PRKN: variants seen among roughly 807,000 people sequenced by gnomAD.
PRKN encodes E3 ubiquitin-protein ligase parkin.
PRKN carries 56 observed loss-of-function variants against 59.5 expected under a neutral mutation model. The ratio of observed to expected loss-of-function variants is 0.94; its 90% CI spans 0.76 to 1.18. The LOEUF is 1.18. Among genes scored for constraint, PRKN ranks in the 50% most tolerant of loss-of-function variants. The pLI is 0.00. For synonymous variants in PRKN, 250 were observed against 222.1 expected (o/e 1.13, Z -1.12); for missense variants, 657 against 596.4 (o/e 1.10, Z -1.06).
At position 161,488,464 on chromosome 6, in the gene PRKN, C is replaced by A. The variant is rs898198651; in HGVS notation, c.1083+60390G>T. Among the ~76,000 whole-genome samples, 1 of 152,104 alleles carries A rather than the reference C, an allele frequency of 6.6e-6. No homozygotes were observed. The highest frequency in any genetic ancestry group is 2.1e-4 in the South Asian group (1 of 4,808). On this transcript the variant is annotated intron_variant, in intron 9 of 11. Coordinates refer to ENST00000366898, the MANE Select transcript of PRKN (RefSeq NM_004562.3). The surrounding 1 kb of genome is among the most constrained non-coding windows in gnomAD (Gnocchi z 4.5). ...GAGGAGCAGAGAAGATAACAGAGAC[C>A]GAGAAGGACATCTGAATTTATTATA...
chr6:162,245,367 T>C (rs1278314925), intron 3 of PRKN, among the ~76,000 whole-genome samples: 5 of 152,074 alleles, frequency 3.3e-5, no homozygotes, highest in Non-Finnish European at 7.4e-5. Flanking sequence ...TTAAATTGCA[T>C]ATTTACCTAT....
intron 7 of PRKN, among the ~76,000 whole-genome samples, chr6:161,768,636 A>G (rs570495933): frequency 6.6e-6 from 1 of 152,328 alleles, no homozygotes; most frequent in African/African-American, 2.4e-5. Flanking sequence ...CTGTAGCCCA[A>G]TGAACCATAG....
At chr6:162,441,588 C>T (rs1790054407) in intron 2 of PRKN, among the ~76,000 whole-genome samples, 1 of 152,008 alleles carries the variant, frequency 6.6e-6, no homozygotes, top group African/African-American at 2.4e-5. Context: ...ATTGTTGAAC[C>T]TGTAAAAATG....
intron 1 of PRKN, among the ~76,000 whole-genome samples, chr6:162,632,209 C>T (rs1272839559): frequency 6.6e-6 from 1 of 152,150 alleles, no homozygotes; most frequent in African/African-American, 2.4e-5. Context: ...ATGCACTCAC[C>T]TGTTCATCGC....
Position 161,385,135 on chromosome 6 carries a change from G to T in PRKN, c.1167+1659C>A, listed in dbSNP as rs909861858. The stretch of plus-strand genomic sequence containing the variant: ...AGTAGAGACGGGGTTTCACCATGTT[G>T]GCCAGGCTGATCTCAATCTCTTGAC... On this transcript the variant is annotated intron_variant, in intron 10 of 11. Transcript: ENST00000366898. The surrounding 1 kb of genome is among the most constrained non-coding windows in gnomAD (Gnocchi z 4.9). 1.3e-5 allele frequency among the ~76,000 whole-genome samples: 2 copies of T among 152,092 alleles called. No individual in the cohort carries two copies. Among genetic ancestry groups the T allele is most frequent in the Admixed American group, 6.6e-5 (1 of 15,262 alleles).
At chr6:162,501,379 ACT>A (rs751449694) in intron 1 of PRKN, among the ~76,000 whole-genome samples, 6 of 145,310 alleles carry the variant, frequency 4.1e-5, no homozygotes, top group Non-Finnish European at 7.5e-5. Flanking sequence ...ACACAGTTTA[ACT>A]CTGTCACCCA....
chr6:161,573,757 TA>T (rs1483650213), intron 7 of PRKN, among the ~76,000 whole-genome samples: 5,402 of 44,934 alleles, frequency 0.12, 771 homozygotes, highest in African/African-American at 0.29. Context: ...AAAAAAAAAA[TA>T]TATATATATA....
At chr6:161,777,683 A>ATT (rs1219188620) in intron 7 of PRKN, among the ~76,000 whole-genome samples, 2 of 143,420 alleles carry the variant, frequency 1.4e-5, no homozygotes, top group Admixed American at 7.1e-5. Context: ...ATATATATAT[A>ATT]ATATATATAT....
At position 162,606,315 on chromosome 6, in the gene PRKN, TGCTTAGAGC is replaced by T. The variant is rs1423898258; in HGVS notation, c.7+121338_7+121346del. ...AGCTTAGCACAGCCTACCTTAAACA[TGCTTAGAGC>T]GCTTAGATTATAGCCCACAGTTGGT... On this transcript the variant is annotated intron_variant, in intron 1 of 11. Transcript: ENST00000366898. Among the ~76,000 whole-genome samples the T allele has an allele frequency of 4.6e-5, 7 of 152,198 alleles. No homozygotes were observed. In the East Asian group the frequency reaches 1.3e-3, roughly 29 times the overall value.
intron 7 of PRKN, among the ~76,000 whole-genome samples, chr6:161,709,195 G>C (rs1369816556): frequency 1.3e-5 from 2 of 152,096 alleles, no homozygotes; most frequent in Non-Finnish European, 2.9e-5. Flanking sequence ...AATACTCTTG[G>C]GAAAGGAGAT....
chr6:161,427,808 C>A (rs1325834431), intron 9 of PRKN, among the ~76,000 whole-genome samples: 1 of 152,102 alleles, frequency 6.6e-6, no homozygotes, highest in Non-Finnish European at 1.5e-5. Flanking sequence ...TTTGATGAAT[C>A]CCACGTTTCA....
chr6:161,474,227 G>A (rs951488945), intron 9 of PRKN, among the ~76,000 whole-genome samples: 4 of 152,112 alleles, frequency 2.6e-5, no homozygotes, highest in African/African-American at 4.8e-5. Flanking sequence ...GCTACTCCAC[G>A]GAAGTGCCCA....
chr6:162,569,166 T>C, intron 1 of PRKN: 1 of 594,732 alleles, frequency 1.7e-6, no homozygotes, highest in South Asian at 1.6e-5. Flanking sequence ...CCAGATCAAG[T>C]ATAAGGAGCT....
chr6:162,157,820 C>G (rs1338247432), intron 4 of PRKN, among the ~76,000 whole-genome samples: 1 of 151,968 alleles, frequency 6.6e-6, no homozygotes, highest in Non-Finnish European at 1.5e-5. Context: ...ATTCCTTACT[C>G]TTGTTAGGCA....
At chr6:162,340,005 G>T (rs1784096545) in intron 2 of PRKN, among the ~76,000 whole-genome samples, 1 of 147,124 alleles carries the variant, frequency 6.8e-6, no homozygotes, top group Non-Finnish European at 1.5e-5. Context: ...CACTGCGGAA[G>T]GCCGCAGGGT....
chr6:161,770,855 G>A (rs559115516), intron 7 of PRKN, among the ~76,000 whole-genome samples: 46 of 152,102 alleles, frequency 3.0e-4, no homozygotes, highest in Non-Finnish European at 5.4e-4. Context: ...ACGAGGAGAT[G>A]AGGACAGAGG....
Position 161,348,675 on chromosome 6 carries a change from C to T in PRKN, c.*1424G>A, listed in dbSNP as rs1467797063. 2.4e-5 allele frequency: 5 copies of T among 209,810 alleles called. No individual in the cohort carries two copies. Among genetic ancestry groups the T allele is most frequent in the African/African-American group, 4.5e-5 (2 of 43,960 alleles). 13.0% of individuals were successfully genotyped at this position (209,810 alleles called of 1,614,324 possible). A position where few individuals can be genotyped will look rare whatever the true frequency, so the allele number is the denominator to read the frequency against. On this transcript the variant is annotated 3_prime_UTR_variant, in exon 12 of 12. Transcript: ENST00000366898. This position sits in a 1 kb window ranked among gnomAD's most constrained non-coding sequence, Gnocchi z 4.9. ...CATCTAAAAAGAGAAGCCCTGTTGCCGATTTAATAATTTACAGTCTCTAAA... is the reference window on the plus strand; with the variant it reads ...CATCTAAAAAGAGAAGCCCTGTTGCTGATTTAATAATTTACAGTCTCTAAA...
At chr6:161,972,774 G>A (rs534617172) in intron 6 of PRKN, among the ~76,000 whole-genome samples, 3 of 152,288 alleles carry the variant, frequency 2.0e-5, no homozygotes, top group East Asian at 3.9e-4. Flanking sequence ...GCTCACGCCT[G>A]TAATCCCAGC....
intron 8 of PRKN, among the ~76,000 whole-genome samples, chr6:161,556,149 T>A (rs761472188): frequency 6.6e-6 from 1 of 152,198 alleles, no homozygotes. Context: ...AAAAATTATG[T>A]CCCCCTTTCC....
Sources: gnomAD v4.1 joint callset for allele counts (sites outside exome capture counted in the v4.1 genomes callset) on GRCh38, gnomAD v4.1.1 for gene constraint, Gnocchi (gnomAD v3.1) non-coding constraint, MANE v1.5 for transcripts, NCBI Gene and HGNC (gene_info 2026-07-23, HGNC 2026-07-21) for gene names.